Variants in KIF27 observed in about 807,000 individuals in gnomAD.
The protein encoded by KIF27 is kinesin-like protein KIF27.
KIF27 carries 84 observed loss-of-function variants against 141.8 expected under a neutral mutation model. That is an observed-to-expected ratio of 0.59 (90% CI 0.50 to 0.71). KIF27 has a LOEUF of 0.71. Among genes scored for constraint, KIF27 ranks in the 30% least tolerant of loss-of-function variants. The probability of loss-of-function intolerance (pLI) is 0.00; values close to 1 mark genes in which losing one functional copy is unlikely to be tolerated. For missense variants in KIF27, 1,306 were observed against 1,628.4 expected (o/e 0.80, Z 3.41); for synonymous variants, 471 against 569.5 (o/e 0.83, Z 2.46).
intron 13 of KIF27, among the ~76,000 whole-genome samples, chr9:83,865,237 C>T (rs534068792): frequency 6.6e-6 from 1 of 152,240 alleles, no homozygotes; most frequent in East Asian, 1.9e-4. Context: ...AAATGTTTTG[C>T]TCCTACTTTC....
At chr9:83,848,428 CTA>C (rs1298103505) in intron 16 of KIF27, among the ~76,000 whole-genome samples, 1 of 131,618 alleles carries the variant, frequency 7.6e-6, no homozygotes, top group Non-Finnish European at 1.6e-5. Flanking sequence ...ATGTATATAT[CTA>C]TATATCATAT....
At chr9:83,860,369 A>C (rs1290951220) in intron 13 of KIF27, among the ~76,000 whole-genome samples, 2 of 152,118 alleles carry the variant, frequency 1.3e-5, no homozygotes, top group South Asian at 2.1e-4. Flanking sequence ...GGCATTATCA[A>C]TTTTAGACAT....
chr9:83,911,257 C>A (rs1428715309), intron 2 of KIF27, among the ~76,000 whole-genome samples: 1 of 152,058 alleles, frequency 6.6e-6, no homozygotes, highest in Non-Finnish European at 1.5e-5. Context: ...TTTGTAGAGA[C>A]AAGCTCTCAC....
chr9:83,880,831 T>C (rs1449461021), intron 10 of KIF27, among the ~76,000 whole-genome samples: 2 of 152,142 alleles, frequency 1.3e-5, no homozygotes, highest in African/African-American at 4.8e-5. Context: ...ATTTTAAGAG[T>C]CACTCTTATC....
At chr9:83,844,330 CTATATATATTTATATAGA>C (rs1946955838) in intron 16 of KIF27, among the ~76,000 whole-genome samples, 4 of 149,594 alleles carry the variant, frequency 2.7e-5, no homozygotes, top group Admixed American at 1.3e-4. Context: ...ATATAGATAG[CTATATATATTTATATAGA>C]TATCTATATC....
chr9:83,856,985 C>G (rs1172126835), intron 14 of KIF27, among the ~76,000 whole-genome samples: 1 of 146,470 alleles, frequency 6.8e-6, no homozygotes, highest in Admixed American at 6.9e-5. Flanking sequence ...CATAATAGTT[C>G]TTATATTTTC....
chr9:83,847,078 A>G (rs1947378929), intron 16 of KIF27, among the ~76,000 whole-genome samples: 1 of 152,168 alleles, frequency 6.6e-6, no homozygotes, highest in Non-Finnish European at 1.5e-5. Context: ...AGTCACAACT[A>G]AAAATGGTCC....
At chr9:83,854,094 T>C (rs901732687) in intron 14 of KIF27, among the ~76,000 whole-genome samples, 8 of 152,052 alleles carry the variant, frequency 5.3e-5, no homozygotes, top group African/African-American at 1.9e-4. Context: ...TGGAGTAAAA[T>C]GGAAAAGACA....
chr9:83,896,050 T>C (rs1270799360), intron 5 of KIF27, among the ~76,000 whole-genome samples: 3 of 55,824 alleles, frequency 5.4e-5, no homozygotes, highest in African/African-American at 2.2e-4. Context: ...AGACTCTGTC[T>C]CAAAAAAAAA....
intron 3 of KIF27, among the ~76,000 whole-genome samples, chr9:83,906,418 C>T (rs760617638): frequency 3.9e-4 from 60 of 152,038 alleles, no homozygotes; most frequent in Non-Finnish European, 5.4e-4. Flanking sequence ...AGGAAGGTTC[C>T]ACTAAATATG....
chr9:83,848,310 ATATATCATATATC>A (rs1948007516), intron 16 of KIF27, among the ~76,000 whole-genome samples: 2 of 114,268 alleles, frequency 1.8e-5, no homozygotes, highest in Non-Finnish European at 3.4e-5. Context: ...GATATATATG[ATATATCATATATC>A]TATATATCTA....
chr9:83,866,661 A>G (rs1275700043), intron 13 of KIF27, among the ~76,000 whole-genome samples: 1 of 152,134 alleles, frequency 6.6e-6, no homozygotes, highest in Non-Finnish European at 1.5e-5. Flanking sequence ...GCGGATCACA[A>G]GGTCAGAAGT....
chr9:83,864,574 G>A (rs1950202233), intron 13 of KIF27, among the ~76,000 whole-genome samples: 1 of 152,216 alleles, frequency 6.6e-6, no homozygotes, highest in Non-Finnish European at 1.5e-5. Flanking sequence ...TACATTTGCT[G>A]AGGAGTGCTT....
chr9:83,852,058 G>A (rs561782680), intron 15 of KIF27, among the ~76,000 whole-genome samples: 3 of 151,972 alleles, frequency 2.0e-5, no homozygotes, highest in Admixed American at 6.6e-5. Flanking sequence ...AACCCGGGGG[G>A]CGGAGGTTGC....
At chr9:83,906,573 T>C (rs1954562445) in intron 3 of KIF27, among the ~76,000 whole-genome samples, 1 of 151,658 alleles carries the variant, frequency 6.6e-6, no homozygotes, top group Non-Finnish European at 1.5e-5. Flanking sequence ...AAACCCCGTC[T>C]CTACAAAAAA....
At chr9:83,855,417 G>A (rs1468859260) in intron 14 of KIF27, among the ~76,000 whole-genome samples, 1 of 152,030 alleles carries the variant, frequency 6.6e-6, no homozygotes, top group Non-Finnish European at 1.5e-5. Flanking sequence ...TAACCATATG[G>A]AATTTGATGG....
At chr9:83,867,452 G>C (rs1301213573) in intron 13 of KIF27, among the ~76,000 whole-genome samples, 3 of 89,368 alleles carry the variant, frequency 3.4e-5, no homozygotes, top group Non-Finnish European at 6.1e-5. Context: ...CCATCCCTAG[G>C]AGTGAGATTA....
intron 13 of KIF27, among the ~76,000 whole-genome samples, chr9:83,864,024 C>A (rs1186737532): frequency 1.3e-5 from 2 of 151,936 alleles, no homozygotes; most frequent in East Asian, 3.9e-4. Flanking sequence ...GTGGTGATAT[C>A]CCCTTTATCA....
At chr9:83,921,339 C>G (rs1164970611) in intron 1 of KIF27, 32 bp downstream of exon 1, 2 of 396 alleles carry the variant, frequency 5.1e-3, no homozygotes, top group Non-Finnish European at 3.1e-3. Context: ...CCCACTTCCC[C>G]GCACCGCCCG....
Sources: gnomAD v4.1 joint callset for allele counts (sites outside exome capture counted in the v4.1 genomes callset) on GRCh38, gnomAD v4.1.1 for gene constraint, MANE v1.5 for transcripts, NCBI Gene and HGNC (gene_info 2026-07-23, HGNC 2026-07-21) for gene names.